MRPL9: variants seen among roughly 807,000 people sequenced by gnomAD.
MRPL9 encodes mitochondrial ribosomal protein L9.
MRPL9 carries 25 observed loss-of-function variants against 27.6 expected under a neutral mutation model. The observed-to-expected ratio is 0.91, with a 90% confidence interval of 0.66 to 1.27. The LOEUF is 1.27. Among genes scored for constraint, MRPL9 ranks in the 50% most tolerant of loss-of-function variants. MRPL9 has a pLI of 0.00. For missense variants in MRPL9, 362 were observed against 338.0 expected (o/e 1.07, Z -0.56); for synonymous variants, 154 against 139.0 (o/e 1.11, Z -0.76).
In MRPL9 at chr1:151,762,486, C is replaced by T. The variant is rs1166723058; in HGVS notation, c.325G>A (p.Gly109Ser). 1.2e-6 allele frequency: 2 copies of T among 1,614,002 alleles called. No homozygotes were observed. Among genetic ancestry groups the T allele is most frequent in the South Asian group, 2.2e-5 (2 of 91,068 alleles). The change falls in exon 3 of 7, where the codon GGT becomes AGT. Residue 109 changes from glycine to serine, a missense_variant. Coordinates refer to ENST00000368830, the MANE Select transcript of MRPL9 (RefSeq NM_031420.4). ...GATTTCTTCACTGAGACCAGGTCAC[C>T]CCGGACTCCAACATCTGTCAATTAG... ...TQSVENVGVR[G>S]DLVSVKKSLG...
At chr1:151,760,731 C>T (rs1482998533) in intron 6 of MRPL9, 85 bp downstream of exon 6, 55 of 1,232,910 alleles carry the variant, frequency 4.5e-5, no homozygotes, top group East Asian at 9.5e-5. Flanking sequence ...TGAAACAAAA[C>T]CCTGTCTTTA....
Position 151,760,903 on chromosome 1 carries a change from CAAAAAAAAAA to C in MRPL9, c.589-14_589-5del, listed in dbSNP as rs755031728. 5.9e-5 allele frequency: 56 copies of C among 953,902 alleles called. No individual in the cohort carries two copies. In the African/African-American group the frequency reaches 1.3e-3, roughly 22 times the overall value. The allele number at this position is 953,902 out of a possible 1,614,324, so 59.1% of individuals were successfully genotyped here. Reference sequence around the variant, plus strand: ...GTGGGGCAACCACAACACCAAGCTGCAAAAAAAAAAAAAAAAAAAAAAATCTCAGCTCAAA... The same window carrying C: ...GTGGGGCAACCACAACACCAAGCTGCAAAAAAAAAAAAATCTCAGCTCAAA... On this transcript the variant is annotated splice_polypyrimidine_tract_variant and splice_region_variant and intron_variant, in intron 5 of 6. Coordinates refer to ENST00000368830, the MANE Select transcript of MRPL9 (RefSeq NM_031420.4).
Position 151,762,301 on chromosome 1 carries a change from T to G in MRPL9, c.435+75A>C. ...TATTTCATTTTCAAGTTAAGTTAAA[T>G]GTCAAAGGGAAGGAAGCTGCAAGAG... On this transcript the variant is annotated intron_variant, in intron 3 of 6. Transcript: ENST00000368830. The G allele has an allele frequency of 1.9e-6, 3 of 1,600,644 alleles. No homozygotes were observed. In the South Asian group the frequency reaches 3.3e-5, roughly 18 times the overall value.
chr1:151,762,880 G>A lies in MRPL9; in HGVS notation c.310+110C>T, dbSNP rs758020624. The A allele has an allele frequency of 3.1e-6, 4 of 1,303,310 alleles. No homozygotes were observed. The South Asian group carries it at 5.6e-5, about 18-fold the overall frequency. The allele number at this position is 1,303,310 out of a possible 1,614,324, so 80.7% of individuals were successfully genotyped here. A position where few individuals can be genotyped will look rare whatever the true frequency, so the allele number is the denominator to read the frequency against. On this transcript the variant is annotated intron_variant, in intron 2 of 6. Transcript: ENST00000368830. The stretch of plus-strand genomic sequence containing the variant: ...CTTCCTCTTCTCACATATAGAGTTG[G>A]ATTGTTTCCACAAAGAAAAAGCAAG...
Position 151,759,955 on chromosome 1 carries a change from G to GT in MRPL9, c.*94dup, listed in dbSNP as rs1647985823. The GT allele has an allele frequency of 6.7e-7, 1 of 1,496,710 alleles. No homozygotes were observed. The highest frequency in any genetic ancestry group is 9.0e-7 in the Non-Finnish European group (1 of 1,111,236). 92.7% of individuals were successfully genotyped at this position (1,496,710 alleles called of 1,614,324 possible). A position where few individuals can be genotyped will look rare whatever the true frequency, so the allele number is the denominator to read the frequency against. On this transcript the variant is annotated 3_prime_UTR_variant, in exon 7 of 7. Coordinates refer to ENST00000368830, the MANE Select transcript of MRPL9 (RefSeq NM_031420.4). ...GTCTTCAGATGTTCTCTAAAATTCT[G>GT]TATTTGGTCAGAGCTGGGAGTGAGA...
chr1:151,759,960 T>G lies in MRPL9; in HGVS notation c.*90A>C. 1 of 1,512,146 alleles carries G rather than the reference T, an allele frequency of 6.6e-7. No individual in the cohort carries two copies. Among genetic ancestry groups the G allele is most frequent in the Non-Finnish European group, 8.9e-7 (1 of 1,122,658 alleles). The allele number at this position is 1,512,146 out of a possible 1,614,324, so 93.7% of individuals were successfully genotyped here. A position where few individuals can be genotyped will look rare whatever the true frequency, so the allele number is the denominator to read the frequency against. ...CAGATGTTCTCTAAAATTCTGTATT[T>G]GGTCAGAGCTGGGAGTGAGATCAGG... On this transcript the variant is annotated 3_prime_UTR_variant, in exon 7 of 7. Transcript: ENST00000368830.
chr1:151,760,225 G>A lies in MRPL9; in HGVS notation c.673-44C>T, dbSNP rs111780759. On this transcript the variant is annotated intron_variant, in intron 6 of 6. Coordinates refer to ENST00000368830, the MANE Select transcript of MRPL9 (RefSeq NM_031420.4). ...GAATTCTCAGAGATCAGTCAGGTAA[G>A]TAAGATTTAGCACCACCTAATCCCA... The A allele has an allele frequency of 9.3e-6, 15 of 1,611,706 alleles. No homozygotes were observed. In the African/African-American group the frequency reaches 9.3e-5, roughly 10 times the overall value.
intron 6 of MRPL9, among the ~76,000 whole-genome samples, 172 bp downstream of exon 6, chr1:151,760,644 G>A (rs1341016608): frequency 2.0e-5 from 3 of 148,904 alleles, no homozygotes; most frequent in African/African-American, 4.9e-5. Context: ...GGTGGCTAAC[G>A]CCTGTAGTCC....
Position 151,761,487 on chromosome 1 carries a change from C to T in MRPL9, c.552G>A (p.Leu184=). Residue 184 remains leucine (L), a synonymous_variant, in exon 5 of 7, where the codon CTG becomes CTA. Transcript: ENST00000368830. ...VGMKNNVKWE[L]NPEIVARHFF... ...AGTGGCGGGCAACTATTTCAGGGTT[C>T]AGCTCCCATTTGACATTGTTCTTCA... is the stretch of plus-strand genomic sequence containing the variant. The T allele has an allele frequency of 6.2e-7, 1 of 1,613,902 alleles. No individual in the cohort carries two copies. Among genetic ancestry groups the T allele is most frequent in the Non-Finnish European group, 8.5e-7 (1 of 1,179,860 alleles).
intron 6 of MRPL9, among the ~76,000 whole-genome samples, chr1:151,760,576 C>CAAAAAAAAAAAA (rs11454049): frequency 2.0e-5 from 1 of 50,342 alleles, no homozygotes; most frequent in Non-Finnish European, 3.3e-5. Flanking sequence ...GACTCCAGCT[C>CAAAAAAAAAAAA]AAAAAAAAAA....
At position 151,763,412 on chromosome 1, in the gene MRPL9, C is replaced by T. The variant is rs763581202; in HGVS notation, c.68G>A (p.Arg23Gln). 4.5e-6 allele frequency: 7 copies of T among 1,565,130 alleles called. No individual in the cohort carries two copies. In the East Asian group the frequency reaches 9.5e-5, roughly 21 times the overall value. Residue 23 changes from arginine (R) to glutamine (Q), a missense_variant, in exon 1 of 7, where the codon CGG becomes CAG. Coordinates refer to ENST00000368830, the MANE Select transcript of MRPL9 (RefSeq NM_031420.4). Reference protein sequence around the residue: ...LLRAGAGRLLRGGVQELLRPR... With the variant: ...LLRAGAGRLLQGGVQELLRPR... ...CCGCAGTAGCTCCTGGACGCCTCCC[C>T]GAAGCAGCCGTCCAGCGCCCGCCCG... is the stretch of plus-strand genomic sequence containing the variant.
At position 151,763,108 on chromosome 1, in the gene MRPL9, C is replaced by A. The variant is rs547465496; in HGVS notation, c.192G>T (p.Leu64=). The change falls in exon 2 of 7, where the codon CTG becomes CTT. Residue 64 remains leucine, a synonymous_variant. Transcript: ENST00000368830. The part of the protein sequence containing the change: ...VIVERWWKVP[L]AGEGRKPRLH... The stretch of plus-strand genomic sequence containing the variant: ...GGCGCGGCTTCCGGCCCTCCCCGGC[C>A]AGCGGTACCTTCCACCAGCGCTCCA... The A allele has an allele frequency of 6.2e-7, 1 of 1,614,030 alleles. No individual in the cohort carries two copies. The highest frequency in any genetic ancestry group is 1.3e-5 in the African/African-American group (1 of 75,054).
At chr1:151,762,080 A>T in intron 4 of MRPL9, 25 bp downstream of exon 4, 1 of 1,606,260 alleles carries the variant, frequency 6.2e-7, no homozygotes, top group East Asian at 2.2e-5. Flanking sequence ...TGTGACAAAT[A>T]AACACTTTTT....
chr1:151,761,775 C>T (rs976629134), intron 4 of MRPL9, among the ~76,000 whole-genome samples: 4 of 152,148 alleles, frequency 2.6e-5, no homozygotes, highest in Non-Finnish European at 5.9e-5. Context: ...GGCATGGTGG[C>T]GGGTGCCTGT....
At chr1:151,761,321 C>A in intron 5 of MRPL9, 130 bp downstream of exon 5, 1 of 708,392 alleles carries the variant, frequency 1.4e-6, no homozygotes, top group Middle Eastern at 2.6e-4. Context: ...TGCAAACTAA[C>A]CAAGAATACT....
At position 151,761,566 on chromosome 1, in the gene MRPL9, T is replaced by C. The variant is rs780034899; in HGVS notation, c.487-14A>G. The C allele has an allele frequency of 2.7e-5, 43 of 1,579,160 alleles. No homozygotes were observed. The highest frequency in any genetic ancestry group is 5.0e-5 in the Admixed American group (3 of 59,968). On this transcript the variant is annotated splice_polypyrimidine_tract_variant and intron_variant, in intron 4 of 6. Transcript: ENST00000368830. ...AAATTTCACTGTCTGAAAGGAATTA[T>C]GAGTTTGAGTCAAAGGAGAGGAAAC...
rs1216472575 is a variant in MRPL9 at position 151,762,467 on chromosome 1, T to C, written c.344A>G (p.Lys115Arg). The C allele has an allele frequency of 6.2e-7, 1 of 1,614,142 alleles. No homozygotes were observed. The highest frequency in any genetic ancestry group is 1.1e-5 in the South Asian group (1 of 91,086). Residue 115 changes from lysine to arginine, a missense_variant, in exon 3 of 7, where the codon AAG becomes AGG. Lys to Arg is a conservative substitution (Grantham distance 26, BLOSUM62 2). Coordinates refer to ENST00000368830, the MANE Select transcript of MRPL9 (RefSeq NM_031420.4). ...VGVRGDLVSV[K>R]KSLGRNRLLP... ...GAGTCGATTCCGGCCTAAAGATTTC[T>C]TCACTGAGACCAGGTCACCCCGGAC...
chr1:151,760,126 G>A lies in MRPL9; in HGVS notation c.728C>T (p.Pro243Leu), dbSNP rs1647995507. The A allele has an allele frequency of 3.1e-6, 5 of 1,613,956 alleles. No individual in the cohort carries two copies. The highest frequency in any genetic ancestry group is 1.3e-5 in the African/African-American group (1 of 74,886). ...CCAGTACTTATATCTTTTGGTCTTG[G>A]GCTTCTCAAAGTTCACGACAGACAT... ...VPMSVVNFEK[P>L]KTKRYKYWLA... Residue 243 changes from proline (P) to leucine (L), a missense_variant, in exon 7 of 7, where the codon CCC becomes CTC. Coordinates refer to ENST00000368830, the MANE Select transcript of MRPL9 (RefSeq NM_031420.4).
At chr1:151,761,822 C>CTT (rs1237328368) in intron 4 of MRPL9, 3 of 586,852 alleles carry the variant, frequency 5.1e-6, no homozygotes, top group Non-Finnish European at 9.1e-6. Flanking sequence ...TTCTCTCCAA[C>CTT]TTGTACGTAA....
Sources: allele counts gnomAD v4.1 joint callset (sites outside exome capture counted in the v4.1 genomes callset), GRCh38; gene constraint gnomAD v4.1.1; transcripts MANE v1.5; gene names NCBI Gene and HGNC (gene_info 2026-07-23, HGNC 2026-07-21).